ZFP42: variants seen among roughly 807,000 people sequenced by gnomAD.
ZFP42 encodes the protein ZFP42 zinc finger protein.
For synonymous variants in ZFP42, 175 were observed against 144.6 expected (o/e 1.21, Z -1.51); for missense variants, 438 against 377.1 (o/e 1.16, Z -1.34).
intron 3 of ZFP42, 30 bp downstream of exon 3, chr4:187,999,715 G>A (rs578218147): frequency 6.6e-6 from 1 of 152,460 alleles, no homozygotes; most frequent in African/African-American, 2.4e-5. Flanking sequence ...AGGGACACCA[G>A]AGCTCTGATC....
At chr4:187,996,810 C>T (rs1733590716) in intron 1 of ZFP42, among the ~76,000 whole-genome samples, 1 of 152,194 alleles carries the variant, frequency 6.6e-6, no homozygotes, top group Non-Finnish European at 1.5e-5. Flanking sequence ...CAAATCCATT[C>T]TCCATGCAGC....
Position 188,003,549 on chromosome 4 carries a change from A to C in ZFP42, c.742A>C (p.Thr248Pro), listed in dbSNP as rs199967736. Residue 248 changes from threonine (T) to proline (P), a missense_variant, in exon 4 of 4, where the codon ACT (threonine) becomes CCT (proline). Coordinates refer to ENST00000326866, the MANE Select transcript of ZFP42 (RefSeq NM_174900.5). ...TACTGGAGAGAAGCCGTTTCGGTGC[A>C]CTTTTGAAGGGTGCGGAAAGCGCTT... ...VHTGEKPFRC[T>P]FEGCGKRFSL... 6.2e-7 allele frequency: 1 copy of C among 1,613,718 alleles called. No homozygotes were observed.
At position 188,002,694 on chromosome 4, in the gene ZFP42, GGTTATTA is replaced by G; in HGVS notation, c.-95-18_-95-12del. On this transcript the variant is annotated splice_polypyrimidine_tract_variant and intron_variant, in intron 3 of 3. Transcript: ENST00000326866. ...AATACTGGAATCTATTTTAACTAAA[GGTTATTA>G]TCATAAAGCAGGTGTTTGCTGAAGA... is the stretch of plus-strand genomic sequence containing the variant. 1 of 849,678 alleles carries G rather than the reference GGTTATTA, an allele frequency of 1.2e-6. No homozygotes were observed. 52.6% of individuals were successfully genotyped at this position (849,678 alleles called of 1,614,324 possible).
chr4:188,002,873 C>T lies in ZFP42; in HGVS notation c.66C>T (p.Pro22=), dbSNP rs745460435. 5 of 1,614,166 alleles carry T rather than the reference C, an allele frequency of 3.1e-6. No homozygotes were observed. Among genetic ancestry groups the T allele is most frequent in the East Asian group, 2.2e-5 (1 of 44,858 alleles). ...RHQKGLGGRA[P]SGAKPRQGKS... is the part of the protein sequence containing the mutation. ...AGAAAGGCCTGGGTGGAAGAGCCCC[C>T]AGTGGGGCTAAGCCCAGGCAAGGCA... The change falls in exon 4 of 4, where the codon CCC becomes CCT. Residue 22 remains proline (P), a synonymous_variant. Transcript: ENST00000326866.
intron 2 of ZFP42, 51 bp from the exon 3 acceptor site, chr4:187,999,558 A>C (rs1733730403): frequency 6.6e-6 from 1 of 152,240 alleles, no homozygotes; most frequent in Admixed American, 6.5e-5. Flanking sequence ...TTGTTAAATC[A>C]GAGATCAACA....
At chr4:187,998,251 G>C (rs1260830301) in intron 1 of ZFP42, among the ~76,000 whole-genome samples, 2 of 150,798 alleles carry the variant, frequency 1.3e-5, no homozygotes, top group Non-Finnish European at 2.9e-5. Context: ...CGGGAGAATC[G>C]GCTGAACCTG....
intron 3 of ZFP42, among the ~76,000 whole-genome samples, chr4:188,001,571 G>C (rs1342708907): frequency 6.6e-6 from 1 of 152,128 alleles, no homozygotes. Context: ...TGTTTTACTG[G>C]AACACAGCCA....
intron 3 of ZFP42, among the ~76,000 whole-genome samples, chr4:188,000,391 C>CTT (rs11428635): frequency 1.3e-4 from 19 of 151,048 alleles, no homozygotes; most frequent in South Asian, 4.2e-4. Context: ...TTTTTGTTTT[C>CTT]TTTTTTTTTC....
At chr4:188,002,223 G>T (rs545513072) in intron 3 of ZFP42, among the ~76,000 whole-genome samples, 1 of 152,068 alleles carries the variant, frequency 6.6e-6, no homozygotes, top group South Asian at 2.1e-4. Context: ...CTCCCTCACC[G>T]CCTTCAGGCT....
At position 188,003,114 on chromosome 4, in the gene ZFP42, G is replaced by GAA; in HGVS notation, c.308_309dup (p.Gln104AsnfsTer21). 2 of 1,614,128 alleles carry GAA rather than the reference G, an allele frequency of 1.2e-6. No homozygotes were observed. The highest frequency in any genetic ancestry group is 1.7e-6 in the Non-Finnish European group (2 of 1,180,044). ...CTTGGAATACCTAAAGAAAGGATCA[G>GAA]AACAACAGCTTTCTCAAAAGGTTTT... On this transcript the variant is annotated frameshift_variant, in exon 4 of 4. Coordinates refer to ENST00000326866, the MANE Select transcript of ZFP42 (RefSeq NM_174900.5). LOFTEE classifies it low-confidence loss of function (END_TRUNC).
rs369114716 is a variant in ZFP42, at chr4:187,998,249, TCGGCTGAAC to T, written c.-338-857_-338-849del. Reference sequence around the variant, plus strand: ...TACTCAGGAGGCTGACGCGGGAGAATCGGCTGAACCTGGGAGGCGGAGGTTGCTGTGAGC... The same window carrying T: ...TACTCAGGAGGCTGACGCGGGAGAATCTGGGAGGCGGAGGTTGCTGTGAGC... On this transcript the variant is annotated intron_variant, in intron 1 of 3. Coordinates refer to ENST00000326866, the MANE Select transcript of ZFP42 (RefSeq NM_174900.5). Among the ~76,000 whole-genome samples, 635 of 152,098 alleles carry T rather than the reference TCGGCTGAAC, an allele frequency of 4.2e-3. 4 individuals carry two copies. The highest frequency in any genetic ancestry group is 0.015 in the African/African-American group (612 of 41,464).
Position 188,003,786 on chromosome 4 carries a change from A to G in ZFP42, c.*46A>G, listed in dbSNP as rs79135462. The G allele has an allele frequency of 1.7e-3, 2,535 of 1,515,842 alleles. 33 individuals carry two copies. In the African/African-American group the frequency reaches 0.029, roughly 17 times the overall value. The allele number at this position is 1,515,842 out of a possible 1,614,324, so 93.9% of individuals were successfully genotyped here. On this transcript the variant is annotated 3_prime_UTR_variant, in exon 4 of 4. Coordinates refer to ENST00000326866, the MANE Select transcript of ZFP42 (RefSeq NM_174900.5). ...GATTAACAGAAGAGTGATCAGTGAC[A>G]AACATGCCTCATTGATTATTGTTTC...
rs1226329529 is a variant in ZFP42 at position 188,001,801 on chromosome 4, C to A, written c.-95-912C>A. ...AATAAAATAACACGAGCTCACATAGCGGCCAGCATTTGCTGTGCACCATAA... is the reference window on the plus strand; with the variant it reads ...AATAAAATAACACGAGCTCACATAGAGGCCAGCATTTGCTGTGCACCATAA... On this transcript the variant is annotated intron_variant, in intron 3 of 3. Coordinates refer to ENST00000326866, the MANE Select transcript of ZFP42 (RefSeq NM_174900.5). 2.0e-5 allele frequency among the ~76,000 whole-genome samples: 3 copies of A among 152,328 alleles called. No homozygotes were observed. In the East Asian group the frequency reaches 5.8e-4, roughly 29 times the overall value.
At chr4:187,996,457 C>G (rs1733569603) in intron 1 of ZFP42, among the ~76,000 whole-genome samples, 1 of 152,152 alleles carries the variant, frequency 6.6e-6, no homozygotes, top group East Asian at 1.9e-4. Context: ...ATTACAGGCG[C>G]CCTTCACTGC....
At chr4:187,998,569 C>T (rs1733694889) in intron 1 of ZFP42, among the ~76,000 whole-genome samples, 1 of 152,152 alleles carries the variant, frequency 6.6e-6, no homozygotes, top group African/African-American at 2.4e-5. Context: ...TGGGAATGTG[C>T]CTACACAGGT....
intron 3 of ZFP42, among the ~76,000 whole-genome samples, chr4:188,001,801 C>T (rs1226329529): frequency 2.0e-5 from 3 of 152,328 alleles, no homozygotes; most frequent in South Asian, 2.1e-4. Flanking sequence ...GCTCACATAG[C>T]GGCCAGCATT....
intron 1 of ZFP42, among the ~76,000 whole-genome samples, chr4:187,996,217 G>A (rs1487254427): frequency 6.6e-6 from 1 of 152,192 alleles, no homozygotes; most frequent in African/African-American, 2.4e-5. Flanking sequence ...CAAGACACCA[G>A]TCTCTTCCCT....
chr4:188,003,365 C>A lies in ZFP42; in HGVS notation c.558C>A (p.Ser186Arg). ...TAAATAAAGAATATGACAGTCTGAG[C>A]GCAATCGCTTGTCCTCAGAGTGGAT... ...PPINKEYDSL[S>R]AIACPQSGCT... Residue 186 changes from serine to arginine, a missense_variant, in exon 4 of 4, where the codon AGC becomes AGA. Ser to Arg is a moderately radical substitution (Grantham distance 110). Coordinates refer to ENST00000326866, the MANE Select transcript of ZFP42 (RefSeq NM_174900.5). 1.2e-6 allele frequency: 2 copies of A among 1,614,058 alleles called. No individual in the cohort carries two copies. The highest frequency in any genetic ancestry group is 2.2e-5 in the South Asian group (2 of 91,072).
chr4:187,996,731 G>A (rs933283389), intron 1 of ZFP42, among the ~76,000 whole-genome samples: 5 of 151,996 alleles, frequency 3.3e-5, no homozygotes, highest in Non-Finnish European at 7.4e-5. Context: ...CTCCTCTGCC[G>A]CCATCTGCTC....
Sources: gnomAD v4.1 joint callset for allele counts (sites outside exome capture counted in the v4.1 genomes callset) on GRCh38, gnomAD v4.1.1 for gene constraint, MANE v1.5 for transcripts, NCBI Gene and HGNC (gene_info 2026-07-23, HGNC 2026-07-21) for gene names.